The following PLCL1 variants were observed in gnomAD, a reference collection of about 807,000 sequenced individuals.
PLCL1 encodes the protein phospholipase C like 1 (inactive).
PLCL1 carries 41 observed loss-of-function variants against 84.4 expected under a neutral mutation model. The observed-to-expected ratio is 0.49, with a 90% confidence interval of 0.38 to 0.63. PLCL1 has a LOEUF of 0.63. Among genes scored for constraint, PLCL1 ranks in the 30% least tolerant of loss-of-function variants. The probability of loss-of-function intolerance (pLI) is 0.00; values close to 1 mark genes in which losing one functional copy is unlikely to be tolerated. For synonymous variants in PLCL1, 490 were observed against 488.3 expected (o/e 1.00, Z -0.05); for missense variants, 1,206 against 1,367.8 (o/e 0.88, Z 1.87).
intron 1 of PLCL1, among the ~76,000 whole-genome samples, chr2:197,939,913 C>A (rs1215014579): frequency 6.6e-6 from 1 of 151,986 alleles, no homozygotes; most frequent in African/African-American, 2.4e-5. Flanking sequence ...CTTAAACAAC[C>A]CCCAAAAACA....
At chr2:198,129,489 G>A (rs1694070641) in intron 5 of PLCL1, among the ~76,000 whole-genome samples, 1 of 151,904 alleles carries the variant, frequency 6.6e-6, no homozygotes, top group Non-Finnish European at 1.5e-5. Context: ...GAGTTGTTCT[G>A]CCTTTCCCTA....
chr2:198,035,881 A>G (rs1056553054), intron 1 of PLCL1, among the ~76,000 whole-genome samples: 3 of 152,076 alleles, frequency 2.0e-5, no homozygotes, highest in Non-Finnish European at 4.4e-5. Flanking sequence ...CTAAAAATAC[A>G]AAAAAATTAG....
At chr2:198,120,713 A>T (rs953042315) in intron 5 of PLCL1, among the ~76,000 whole-genome samples, 1 of 152,024 alleles carries the variant, frequency 6.6e-6, no homozygotes, top group African/African-American at 2.4e-5. Flanking sequence ...TTATCCATTC[A>T]TCTGCTGATG....
At chr2:197,985,456 C>T (rs1266839592) in intron 1 of PLCL1, among the ~76,000 whole-genome samples, 1 of 152,122 alleles carries the variant, frequency 6.6e-6, no homozygotes, top group Non-Finnish European at 1.5e-5. Context: ...CAGCTCACTT[C>T]ATATAGGATG....
rs1416101998 is a variant in PLCL1 at position 198,148,176 on chromosome 2, A to G, written c.*1214A>G. 1 of 152,364 alleles carries G rather than the reference A, an allele frequency of 6.6e-6. No homozygotes were observed. Among genetic ancestry groups the G allele is most frequent in the Non-Finnish European group, 1.5e-5 (1 of 68,032 alleles). The allele number at this position is 152,364 out of a possible 1,614,324, so 9.4% of individuals were successfully genotyped here. A position where few individuals can be genotyped will look rare whatever the true frequency, so the allele number is the denominator to read the frequency against. ...TGTTTGTTACCTCCAACAGAACTAA[A>G]TGTTCTATGGTTATGAAAGAATATA... On this transcript the variant is annotated 3_prime_UTR_variant, in exon 6 of 6. Transcript: ENST00000428675.
intron 1 of PLCL1, among the ~76,000 whole-genome samples, chr2:197,824,558 A>T (rs1393353223): frequency 1.3e-5 from 2 of 151,910 alleles, no homozygotes; most frequent in Non-Finnish European, 2.9e-5. Flanking sequence ...TACAAAAAAT[A>T]CAAAAATTAG....
chr2:198,146,983 T>C lies in PLCL1; in HGVS notation c.*21T>C. 6.4e-7 allele frequency: 1 copy of C among 1,552,462 alleles called. No homozygotes were observed. Among genetic ancestry groups the C allele is most frequent in the Non-Finnish European group, 8.7e-7 (1 of 1,145,438 alleles). On this transcript the variant is annotated 3_prime_UTR_variant, in exon 6 of 6. Transcript: ENST00000428675. ...TGTGACTCTGGGCATTATCGACACG[T>C]TCACCCATCTTATCAAGGACTCTGG...
chr2:197,944,858 C>T (rs1422970265), intron 1 of PLCL1, among the ~76,000 whole-genome samples: 1 of 152,182 alleles, frequency 6.6e-6, no homozygotes, highest in African/African-American at 2.4e-5. Context: ...CAACTACTTT[C>T]ATCTTCAGAT....
intron 5 of PLCL1, among the ~76,000 whole-genome samples, chr2:198,107,517 C>T (rs1054669450): frequency 3.3e-5 from 5 of 151,878 alleles, no homozygotes; most frequent in Admixed American, 2.6e-4. Context: ...ATAATACATA[C>T]AAAAGATGTA....
intron 1 of PLCL1, among the ~76,000 whole-genome samples, chr2:198,011,994 G>A (rs146518811): frequency 2.8e-4 from 42 of 152,114 alleles, no homozygotes; most frequent in African/African-American, 1.0e-3. Context: ...GCCTATGTGT[G>A]TCTGTAAGGC....
intron 3 of PLCL1, among the ~76,000 whole-genome samples, chr2:198,094,148 G>A (rs559555744): frequency 6.6e-6 from 1 of 151,904 alleles, no homozygotes; most frequent in Non-Finnish European, 1.5e-5. Flanking sequence ...TGCAAGCTCC[G>A]CCTCCTGGGT....
chr2:198,146,986 A>C lies in PLCL1; in HGVS notation c.*24A>C. ...GACTCTGGGCATTATCGACACGTTCACCCATCTTATCAAGGACTCTGGTTT... is the reference window on the plus strand; with the variant it reads ...GACTCTGGGCATTATCGACACGTTCCCCCATCTTATCAAGGACTCTGGTTT... On this transcript the variant is annotated 3_prime_UTR_variant, in exon 6 of 6. Coordinates refer to ENST00000428675, the MANE Select transcript of PLCL1 (RefSeq NM_006226.4). 1.3e-6 allele frequency: 2 copies of C among 1,548,618 alleles called. No homozygotes were observed. The highest frequency in any genetic ancestry group is 1.7e-6 in the Non-Finnish European group (2 of 1,143,726).
chr2:198,093,477 C>T (rs1393391226), intron 3 of PLCL1, among the ~76,000 whole-genome samples: 2 of 152,070 alleles, frequency 1.3e-5, no homozygotes, highest in East Asian at 3.8e-4. Flanking sequence ...CTAACCACCC[C>T]CCCAACCTAC....
At chr2:197,900,827 G>A (rs1688248959) in intron 1 of PLCL1, among the ~76,000 whole-genome samples, 1 of 152,138 alleles carries the variant, frequency 6.6e-6, no homozygotes. Context: ...TTTTCTGGAG[G>A]GTTTTTCTTG....
At position 197,983,023 on chromosome 2, in the gene PLCL1, TTTTAGTTCATTA is replaced by T. The variant is rs566193878; in HGVS notation, c.241-100719_241-100708del. Among the ~76,000 whole-genome samples, 56 of 152,180 alleles carry T rather than the reference TTTTAGTTCATTA, an allele frequency of 3.7e-4. No individual in the cohort carries two copies. In the South Asian group the frequency reaches 0.012, roughly 32 times the overall value. On this transcript the variant is annotated intron_variant, in intron 1 of 5. Transcript: ENST00000428675. ...CTTATAAGTGAACAATTTTGATAGA[TTTTAGTTCATTA>T]TTTAGTTCATTATTTGTAAAATGCA...
intron 5 of PLCL1, among the ~76,000 whole-genome samples, chr2:198,110,046 T>G (rs929922248): frequency 6.6e-6 from 1 of 151,790 alleles, no homozygotes; most frequent in Non-Finnish European, 1.5e-5. Context: ...GCCCTTCTTA[T>G]TTATTCATGA....
chr2:198,001,944 AC>A, intron 1 of PLCL1: 4 of 424,484 alleles, frequency 9.4e-6, no homozygotes, highest in African/African-American at 2.0e-5. Context: ...GTCTCCTATC[AC>A]CCCCAGATGG....
intron 1 of PLCL1, among the ~76,000 whole-genome samples, chr2:197,891,451 A>G (rs1019719851): frequency 1.3e-5 from 2 of 152,160 alleles, no homozygotes; most frequent in African/African-American, 2.4e-5. Flanking sequence ...CTGTTGTTGC[A>G]GGTGACCTGC....
intron 1 of PLCL1, among the ~76,000 whole-genome samples, chr2:197,897,187 TTCTCCTTCTCC>T (rs763093449): frequency 0.17 from 4,969 of 28,742 alleles, 490 homozygotes; most frequent in African/African-American, 0.19. Context: ...CTTCTTCTTC[TTCTCCTTCTCC>T]TTCTTCTTTC....
Sources: allele counts gnomAD v4.1 joint callset (sites outside exome capture counted in the v4.1 genomes callset), GRCh38; gene constraint gnomAD v4.1.1; transcripts MANE v1.5; gene names NCBI Gene and HGNC (gene_info 2026-07-23, HGNC 2026-07-21).